The following PARD3 variants were observed in gnomAD, a reference collection of about 807,000 sequenced individuals.
The protein encoded by PARD3 is par-3 family cell polarity regulator.
PARD3 carries 75 observed loss-of-function variants against 155.4 expected under a neutral mutation model. The ratio of observed to expected loss-of-function variants is 0.48; its 90% confidence interval spans 0.40 to 0.58. The LOEUF (loss-of-function observed/expected upper bound fraction) is 0.58. Ranked by LOEUF, PARD3 falls within the 20% of genes least tolerant of loss-of-function variation. The pLI is 0.00. For missense variants in PARD3, 1,642 were observed against 1,721.7 expected (o/e 0.95, Z 0.82); for synonymous variants, 576 against 610.5 (o/e 0.94, Z 0.83).
At position 34,795,399 on chromosome 10, in the gene PARD3, C is replaced by A. The variant is rs560841255; in HGVS notation, c.120+19477G>T. Among the ~76,000 whole-genome samples the A allele has an allele frequency of 3.0e-3, 460 of 152,250 alleles. 2 individuals carry two copies. The highest frequency in any genetic ancestry group is 4.8e-3 in the Non-Finnish European group (327 of 68,024). ...GCCAAAGGAAGAGCCTCACTTAAGC[C>A]CAGGAATTTGTGACCAGCCTGGGCA... On this transcript the variant is annotated intron_variant, in intron 1 of 24. Coordinates refer to ENST00000374788, the MANE Select transcript of PARD3 (RefSeq NM_001184785.2).
chr10:34,748,836 G>C (rs918903364), intron 1 of PARD3, among the ~76,000 whole-genome samples: 18 of 152,078 alleles, frequency 1.2e-4, no homozygotes, highest in African/African-American at 3.9e-4. Context: ...ATCCTATGAC[G>C]CTGTAACTCA....
chr10:34,377,498 G>A (rs993431518), intron 10 of PARD3, among the ~76,000 whole-genome samples: 4 of 152,192 alleles, frequency 2.6e-5, no homozygotes, highest in East Asian at 1.9e-4. Flanking sequence ...GCTGAGGCAG[G>A]AGAATCACTT....
At chr10:34,609,481 G>A (rs1393121972) in intron 2 of PARD3, among the ~76,000 whole-genome samples, 2 of 152,180 alleles carry the variant, frequency 1.3e-5, no homozygotes, top group Non-Finnish European at 2.9e-5. Flanking sequence ...CCACACTCCT[G>A]AGATACAGAG....
At chr10:34,239,659 C>T (rs1014255511) in intron 22 of PARD3, among the ~76,000 whole-genome samples, 4 of 151,852 alleles carry the variant, frequency 2.6e-5, no homozygotes, top group Admixed American at 6.6e-5. Flanking sequence ...AAAAAGTAGC[C>T]GGGCATGGTG....
chr10:34,378,663 C>G (rs1308172653), intron 9 of PARD3, among the ~76,000 whole-genome samples: 1 of 152,102 alleles, frequency 6.6e-6, no homozygotes, highest in East Asian at 1.9e-4. Flanking sequence ...ACCAAATTAT[C>G]TTTGCCTAGT....
At chr10:34,784,834 T>C (rs1840740765) in intron 1 of PARD3, among the ~76,000 whole-genome samples, 2 of 152,168 alleles carry the variant, frequency 1.3e-5, no homozygotes, top group South Asian at 4.1e-4. Context: ...ATCCTCACAC[T>C]GTCAAGCGGA....
At chr10:34,711,629 C>A (rs962848278) in intron 1 of PARD3, among the ~76,000 whole-genome samples, 1 of 152,196 alleles carries the variant, frequency 6.6e-6, no homozygotes, top group Admixed American at 6.5e-5. Context: ...CAGGGGCCAT[C>A]TTCAGCTTTT....
chr10:34,286,357 T>C (rs1228436479), intron 20 of PARD3, among the ~76,000 whole-genome samples: 2 of 151,278 alleles, frequency 1.3e-5, no homozygotes, highest in East Asian at 3.8e-4. Context: ...TATACTCAGG[T>C]AACGAATTAG....
intron 3 of PARD3, among the ~76,000 whole-genome samples, chr10:34,497,932 G>A (rs1431418826): frequency 6.6e-6 from 1 of 152,096 alleles, no homozygotes; most frequent in Non-Finnish European, 1.5e-5. Context: ...CACATACTTA[G>A]ATCTTGGAAA....
At chr10:34,777,044 G>T (rs955267025) in intron 1 of PARD3, among the ~76,000 whole-genome samples, 2 of 140,620 alleles carry the variant, frequency 1.4e-5, no homozygotes, top group Non-Finnish European at 3.0e-5. Flanking sequence ...GTAGAGACAC[G>T]GTTTCACCAT....
At chr10:34,305,209 TAAG>T (rs1564566357) in intron 20 of PARD3, among the ~76,000 whole-genome samples, 2 of 152,186 alleles carry the variant, frequency 1.3e-5, no homozygotes, top group Non-Finnish European at 2.9e-5. Flanking sequence ...GAGAAGAAAC[TAAG>T]AAGGTGAGGT....
chr10:34,798,830 G>A (rs1158548249), intron 1 of PARD3, among the ~76,000 whole-genome samples: 2 of 152,054 alleles, frequency 1.3e-5, no homozygotes, highest in East Asian at 3.9e-4. Flanking sequence ...GTCCAAAGGC[G>A]AGCAGGGTTG....
Position 34,475,744 on chromosome 10 carries a change from C to T in PARD3, c.404-5481G>A, listed in dbSNP as rs572843258. On this transcript the variant is annotated intron_variant, in intron 3 of 24. Coordinates refer to ENST00000374788, the MANE Select transcript of PARD3 (RefSeq NM_001184785.2). ...CTTTATGTACTGGGAAGCAGTCATG[C>T]TCACAGTGGGACATAAGTTTTCCAA... 7.2e-5 allele frequency among the ~76,000 whole-genome samples: 11 copies of T among 152,290 alleles called. No homozygotes were observed. In the East Asian group the frequency reaches 2.1e-3, roughly 29 times the overall value.
chr10:34,738,979 A>T (rs2094961525), intron 1 of PARD3, among the ~76,000 whole-genome samples: 1 of 152,218 alleles, frequency 6.6e-6, no homozygotes, highest in Non-Finnish European at 1.5e-5. Context: ...GATATATCTG[A>T]ACAAAAATTT....
At chr10:34,348,208 T>C (rs2134370466) in intron 14 of PARD3, 93 bp from the exon 15 acceptor site, 3 of 1,078,006 alleles carry the variant, frequency 2.8e-6, no homozygotes, top group East Asian at 2.6e-5. Context: ...CCGAGGCCTG[T>C]ATCCAACTGG....
intron 1 of PARD3, among the ~76,000 whole-genome samples, chr10:34,793,632 C>G (rs1841925788): frequency 6.6e-6 from 1 of 152,064 alleles, no homozygotes; most frequent in African/African-American, 2.4e-5. Context: ...ACTAAAAATG[C>G]AAAATTAGCT....
At chr10:34,804,877 A>G (rs1246654494) in intron 1 of PARD3, among the ~76,000 whole-genome samples, 1 of 152,194 alleles carries the variant, frequency 6.6e-6, no homozygotes, top group African/African-American at 2.4e-5. Context: ...TGTTTTTAAT[A>G]TTAATACACA....
In PARD3 at chr10:34,184,963, G is replaced by A. The variant is rs1026270564; in HGVS notation, c.3420-53380C>T. Among the ~76,000 whole-genome samples, 3 of 152,100 alleles carry A rather than the reference G, an allele frequency of 2.0e-5. No individual in the cohort carries two copies. In the East Asian group the frequency reaches 5.8e-4, roughly 29 times the overall value. Reference sequence around the variant, plus strand: ...ACATTCTGCTCACCCCAAGCTCTGTGCTGCTTCAGTTGCACAGAGGAGTAT... The same window carrying A: ...ACATTCTGCTCACCCCAAGCTCTGTACTGCTTCAGTTGCACAGAGGAGTAT... On this transcript the variant is annotated intron_variant, in intron 22 of 24. Coordinates refer to ENST00000374788, the MANE Select transcript of PARD3 (RefSeq NM_001184785.2).
At chr10:34,550,404 G>T (rs1381523013) in intron 2 of PARD3, among the ~76,000 whole-genome samples, 1 of 152,028 alleles carries the variant, frequency 6.6e-6, no homozygotes, top group African/African-American at 2.4e-5. Flanking sequence ...TAGAGACAGG[G>T]TCTTGCCATG....
Sources: gnomAD v4.1 joint callset for allele counts (sites outside exome capture counted in the v4.1 genomes callset) on GRCh38, gnomAD v4.1.1 for gene constraint, MANE v1.5 for transcripts, NCBI Gene and HGNC (gene_info 2026-07-23, HGNC 2026-07-21) for gene names.